Variants in SNTB1 observed in about 807,000 individuals in gnomAD.
The protein encoded by SNTB1 is syntrophin beta 1, also known as beta-1-syntrophin.
Under a neutral mutation model 48.9 loss-of-function variants are expected in SNTB1, and 36 were observed. The observed-to-expected ratio is 0.74, with a 90% CI of 0.56 to 0.97. The LOEUF (loss-of-function observed/expected upper bound fraction) is 0.97. Among genes scored for constraint, SNTB1 ranks in the 50% least tolerant of loss-of-function variants. The probability of loss-of-function intolerance (pLI) is 0.00; values close to 1 mark genes in which losing one functional copy is unlikely to be tolerated. For missense variants in SNTB1, 786 were observed against 703.4 expected, an observed-to-expected ratio of 1.12 and a Z score of -1.33; for synonymous variants, 299 against 294.6, an observed-to-expected ratio of 1.01 and a Z score of -0.15.
At chr8:120,714,738 G>C (rs967290484) in intron 1 of SNTB1, among the ~76,000 whole-genome samples, 1 of 152,190 alleles carries the variant, frequency 6.6e-6, no homozygotes, top group Non-Finnish European at 1.5e-5. Context: ...TCAAGATATA[G>C]AAAGTTTATT....
chr8:120,806,788 G>A (rs1191667909), intron 1 of SNTB1, among the ~76,000 whole-genome samples: 4 of 152,122 alleles, frequency 2.6e-5, no homozygotes, highest in Non-Finnish European at 5.9e-5. Flanking sequence ...TTGAATCCCA[G>A]GGTATTGGGT....
In SNTB1 at chr8:120,553,476, T is replaced by C. The variant is rs377459988; in HGVS notation, c.1137-4518A>G. On this transcript the variant is annotated intron_variant, in intron 4 of 6. Coordinates refer to ENST00000517992, the MANE Select transcript of SNTB1 (RefSeq NM_021021.4). ...TTTCCCAGATAAAACTCAAGTGAAATACATGAGCTATCTGCTGTATCCATG... is the reference window on the plus strand; with the variant it reads ...TTTCCCAGATAAAACTCAAGTGAAACACATGAGCTATCTGCTGTATCCATG... Among the ~76,000 whole-genome samples, 48 of 152,306 alleles carry C rather than the reference T, an allele frequency of 3.2e-4. No individual in the cohort carries two copies. In the East Asian group the frequency reaches 5.0e-3, roughly 16 times the overall value.
At chr8:120,685,370 T>C (rs1470045847) in intron 2 of SNTB1, among the ~76,000 whole-genome samples, 2 of 152,226 alleles carry the variant, frequency 1.3e-5, no homozygotes, top group African/African-American at 4.8e-5. Context: ...GAGATAGCCA[T>C]GTCCTCACTG....
intron 3 of SNTB1, among the ~76,000 whole-genome samples, chr8:120,611,682 C>T (rs370796059): frequency 1.3e-5 from 2 of 151,724 alleles, no homozygotes; most frequent in East Asian, 3.9e-4. Flanking sequence ...ATTAGCCGGG[C>T]GTGGTGGCGG....
At chr8:120,634,888 G>C (rs546239660) in intron 2 of SNTB1, among the ~76,000 whole-genome samples, 274 of 139,720 alleles carry the variant, frequency 2.0e-3, no homozygotes, top group African/African-American at 6.7e-3. Context: ...GTCTCGCTCT[G>C]TCGCCCAGGC....
rs574118766 is a variant in SNTB1, at chr8:120,628,762, A to G, written c.996+3682T>C. On this transcript the variant is annotated intron_variant, in intron 3 of 6. Transcript: ENST00000517992. ...CAGAGCGAGACTCCATCTCAAAGAA[A>G]AAAAAAAGAAAGAGTTGAGGCTAAT... 4.7e-4 allele frequency among the ~76,000 whole-genome samples: 69 copies of G among 147,148 alleles called. 1 individual carries two copies. The highest frequency in any genetic ancestry group is 1.5e-3 in the Admixed American group (23 of 15,096).
In SNTB1 at chr8:120,811,782, T is replaced by A. The variant is rs761326078; in HGVS notation, c.62A>T (p.Gln21Leu). The change falls in exon 1 of 7, where the codon CAG becomes CTG. Residue 21 changes from glutamine to leucine, a missense_variant. Coordinates refer to ENST00000517992, the MANE Select transcript of SNTB1 (RefSeq NM_021021.4). ...CAAAACTTCCAGCAGCCCGCTCCGC[T>A]GCGCCCGGCCGCCTCCCGCGCCAGC... ...GPAGAGGGRA[Q>L]RSGLLEVLVR... 3 of 1,476,814 alleles carry A rather than the reference T, an allele frequency of 2.0e-6. No homozygotes were observed. The highest frequency in any genetic ancestry group is 2.7e-6 in the Non-Finnish European group (3 of 1,115,978). 91.5% of individuals were successfully genotyped at this position (1,476,814 alleles called of 1,614,324 possible). A position where few individuals can be genotyped will look rare whatever the true frequency, so the allele number is the denominator to read the frequency against.
intron 1 of SNTB1, among the ~76,000 whole-genome samples, chr8:120,767,886 T>C (rs909285888): frequency 1.3e-5 from 2 of 152,332 alleles, no homozygotes; most frequent in African/African-American, 2.4e-5. Flanking sequence ...TCTCTCATTC[T>C]TGATAATTCC....
At chr8:120,582,096 C>G (rs1816058230) in intron 3 of SNTB1, among the ~76,000 whole-genome samples, 1 of 152,222 alleles carries the variant, frequency 6.6e-6, no homozygotes, top group Non-Finnish European at 1.5e-5. Context: ...CCATTCATGT[C>G]AAGTACACAT....
At chr8:120,766,599 A>T (rs2130083540) in intron 1 of SNTB1, among the ~76,000 whole-genome samples, 2 of 152,310 alleles carry the variant, frequency 1.3e-5, no homozygotes, top group Middle Eastern at 6.8e-3. Context: ...CACCAATCAT[A>T]TGCCAATTAT....
At chr8:120,648,683 G>T (rs146927867) in intron 2 of SNTB1, among the ~76,000 whole-genome samples, 1 of 150,662 alleles carries the variant, frequency 6.6e-6, no homozygotes, top group Admixed American at 6.6e-5. Flanking sequence ...TTGTGGCGTT[G>T]TCTGTATTTC....
At chr8:120,722,570 G>A (rs189268327) in intron 1 of SNTB1, among the ~76,000 whole-genome samples, 6 of 152,016 alleles carry the variant, frequency 3.9e-5, no homozygotes, top group South Asian at 4.2e-4. Flanking sequence ...GTTCATATCC[G>A]TTGCTCACTT....
chr8:120,742,643 T>G (rs1819058856), intron 1 of SNTB1, among the ~76,000 whole-genome samples: 1 of 152,232 alleles, frequency 6.6e-6, no homozygotes, highest in Admixed American at 6.5e-5. Flanking sequence ...CATTCAGCTG[T>G]TCTTTTCAGG....
chr8:120,560,470 G>A (rs1033144530), intron 4 of SNTB1, among the ~76,000 whole-genome samples: 2 of 152,124 alleles, frequency 1.3e-5, no homozygotes, highest in Admixed American at 6.5e-5. Flanking sequence ...GCGACAGAGC[G>A]AGACTTCGTC....
chr8:120,786,266 A>G (rs375617954), intron 1 of SNTB1, among the ~76,000 whole-genome samples: 24 of 152,294 alleles, frequency 1.6e-4, no homozygotes, highest in South Asian at 1.2e-3. Context: ...ACATTAAGGG[A>G]GCACCCTGTG....
intron 2 of SNTB1, among the ~76,000 whole-genome samples, chr8:120,665,969 AT>A (rs563404276): frequency 1.4e-4 from 22 of 152,176 alleles, no homozygotes; most frequent in Non-Finnish European, 2.6e-4. Flanking sequence ...TTGCTGTAAC[AT>A]TATAAAAAGA....
chr8:120,704,605 C>A (rs1413955778), intron 1 of SNTB1, among the ~76,000 whole-genome samples: 1 of 152,108 alleles, frequency 6.6e-6, no homozygotes, highest in Non-Finnish European at 1.5e-5. Flanking sequence ...AGATCTTGCT[C>A]ATTTGACATC....
chr8:120,775,707 CAAGGAAGGAAGGAAGGAAGGAAGGAAGG>C (rs371412589), intron 1 of SNTB1, among the ~76,000 whole-genome samples: 13 of 114,460 alleles, frequency 1.1e-4, no homozygotes, highest in African/African-American at 4.0e-4. Flanking sequence ...GGGAAGGAGA[CAAGGAAGGAAGGAAGGAAGGAAGGAAGG>C]AAGGAAGGAA....
At chr8:120,615,759 A>C (rs1046891104) in intron 3 of SNTB1, among the ~76,000 whole-genome samples, 5 of 152,210 alleles carry the variant, frequency 3.3e-5, no homozygotes, top group African/African-American at 1.2e-4. Flanking sequence ...AATCGAACGG[A>C]GGTAAAAAGA....
Sources: allele counts gnomAD v4.1 joint callset (sites outside exome capture counted in the v4.1 genomes callset), GRCh38; gene constraint gnomAD v4.1.1; transcripts MANE v1.5; gene names NCBI Gene and HGNC (gene_info 2026-07-23, HGNC 2026-07-21).